VRTN: variants seen among roughly 807,000 people sequenced by gnomAD.
VRTN encodes vertnin.
Under a neutral mutation model 18.2 loss-of-function variants are expected in VRTN, and 5 were observed. The ratio of observed to expected loss-of-function variants is 0.27; its 90% CI spans 0.14 to 0.58. The LOEUF (loss-of-function observed/expected upper bound fraction) is 0.58, where lower values mean the gene tolerates loss of function less well. Among genes scored for constraint, VRTN ranks in the 20% least tolerant of loss-of-function variants. The pLI, the probability that VRTN is intolerant of heterozygous loss-of-function variation, is 0.91. For synonymous variants in VRTN, 381 were observed against 393.7 expected (o/e 0.97, Z 0.38); for missense variants, 741 against 939.4 (o/e 0.79, Z 2.76).
rs765480679 is a variant in VRTN at position 74,357,761 on chromosome 14, G to C, written c.978G>C (p.Arg326=). Residue 326 remains arginine, a synonymous_variant, in exon 2 of 2, where the codon CGG becomes CGC. Coordinates refer to ENST00000256362, the MANE Select transcript of VRTN (RefSeq NM_018228.3). The surrounding 1 kb of genome is among the most constrained non-coding windows in gnomAD (Gnocchi z 7.8). The stretch of plus-strand genomic sequence containing the variant: ...ACTTCCTGCAGGACAGCTTCCACCG[G>C]GGGGGCGTCGTGCCACTTCAGCAGT... ...AKHFLQDSFH[R]GGVVPLQQFL... is the part of the protein sequence containing the mutation. 2.3e-5 allele frequency: 37 copies of C among 1,613,138 alleles called. No individual in the cohort carries two copies. Among genetic ancestry groups the C allele is most frequent in the African/African-American group, 5.3e-5 (4 of 75,060 alleles).
intron 1 of VRTN, among the ~76,000 whole-genome samples, chr14:74,308,342 C>T (rs1011957267): frequency 5.3e-5 from 8 of 152,228 alleles, no homozygotes; most frequent in South Asian, 4.1e-4. Context: ...ATAGGTTCCT[C>T]TTCTACCCCT....
chr14:74,321,443 G>A (rs2140196907), intron 1 of VRTN, among the ~76,000 whole-genome samples: 1 of 152,136 alleles, frequency 6.6e-6, no homozygotes, highest in African/African-American at 2.4e-5. Context: ...AGTAAGTGGG[G>A]GAACTTGGAA....
upstream of VRTN, among the ~76,000 whole-genome samples, chr14:74,344,246 C>CAAAGAAAAAAAAAAAAAA (rs2085627164): frequency 3.1e-5 from 1 of 32,512 alleles, no homozygotes; most frequent in Admixed American, 5.4e-4. Flanking sequence ...CTGCTTTCTA[C>CAAAGAAAAAAAAAAAAAA]AAAAAAAAAA....
chr14:74,322,193 G>A (rs1268763475), intron 1 of VRTN, among the ~76,000 whole-genome samples: 3 of 150,732 alleles, frequency 2.0e-5, no homozygotes, highest in Non-Finnish European at 4.4e-5. Flanking sequence ...TGTTGCCCAT[G>A]CTGGAGTATA....
At chr14:74,313,234 C>T (rs986103886) in intron 1 of VRTN, among the ~76,000 whole-genome samples, 3 of 152,124 alleles carry the variant, frequency 2.0e-5, no homozygotes, top group Admixed American at 1.3e-4. Flanking sequence ...CCCAGCCCAG[C>T]GCCTGGCACA....
chr14:74,324,510 G>A (rs1051208390), intron 1 of VRTN, among the ~76,000 whole-genome samples: 1 of 151,972 alleles, frequency 6.6e-6, no homozygotes, highest in Non-Finnish European at 1.5e-5. Flanking sequence ...TGGCCAGTCT[G>A]TCTGGCAGCT....
chr14:74,310,891 A>G lies in VRTN; in HGVS notation c.-164+7715A>G, dbSNP rs146749057. The stretch of plus-strand genomic sequence containing the variant: ...TTTGGGGGGGTAAAGACAGGGCCTC[A>G]CTATGTTGCCTAGGCTGTCGAACTC... On this transcript the variant is annotated intron_variant, in intron 1 of 2. Transcript: ENST00000557177. 3.6e-3 allele frequency among the ~76,000 whole-genome samples: 551 copies of G among 151,880 alleles called. 3 individuals are homozygous for G. The highest frequency in any genetic ancestry group is 0.013 in the African/African-American group (532 of 41,420).
At chr14:74,343,222 G>A (rs1231073071) in intron 2 of VRTN, among the ~76,000 whole-genome samples, 1 of 152,120 alleles carries the variant, frequency 6.6e-6, no homozygotes, top group Admixed American at 6.6e-5. Context: ...TACCTTCCAG[G>A]TTCAAGCGAT....
intron 1 of VRTN, among the ~76,000 whole-genome samples, chr14:74,323,458 C>T (rs570584168): frequency 4.6e-5 from 7 of 152,002 alleles, no homozygotes; most frequent in African/African-American, 1.4e-4. Context: ...GTGGTGGGCG[C>T]CTGTAATCCC....
intron 1 of VRTN, among the ~76,000 whole-genome samples, chr14:74,349,336 C>T (rs2085667987): frequency 5.7e-3 from 1 of 174 alleles, no homozygotes; most frequent in Non-Finnish European, 0.013. Flanking sequence ...TAGGCCCTGG[C>T]AGGCGCAGCC....
intron 1 of VRTN, among the ~76,000 whole-genome samples, chr14:74,350,904 C>T (rs1486027870): frequency 6.6e-6 from 1 of 152,214 alleles, no homozygotes; most frequent in Non-Finnish European, 1.5e-5. Flanking sequence ...ATGCTCTCCT[C>T]AGGAAATCGG....
upstream of VRTN, among the ~76,000 whole-genome samples, chr14:74,346,958 T>G (rs986055834): frequency 4.6e-5 from 7 of 152,176 alleles, no homozygotes; most frequent in African/African-American, 1.7e-4. Flanking sequence ...GAGAACATAG[T>G]GTGGAAAGAA....
chr14:74,344,898 G>C (rs753052991), upstream of VRTN, among the ~76,000 whole-genome samples: 166 of 151,954 alleles, frequency 1.1e-3, no homozygotes, highest in Non-Finnish European at 1.5e-3. Context: ...AAGGAAAAAA[G>C]CTCTGTCTCT....
At chr14:74,305,029 G>A (rs1353712001) in intron 1 of VRTN, among the ~76,000 whole-genome samples, 1 of 152,014 alleles carries the variant, frequency 6.6e-6, no homozygotes, top group Non-Finnish European at 1.5e-5. Context: ...GTCTATTACT[G>A]TAAACTTTTA....
intron 1 of VRTN, among the ~76,000 whole-genome samples, chr14:74,330,249 G>T (rs541397488): frequency 2.6e-5 from 4 of 152,108 alleles, no homozygotes; most frequent in African/African-American, 9.6e-5. Flanking sequence ...CTAAAGAAAT[G>T]GAAGGAAGGA....
Position 74,357,320 on chromosome 14 carries a change from C to G in VRTN, c.537C>G (p.Leu179=). 2 of 1,613,948 alleles carry G rather than the reference C, an allele frequency of 1.2e-6. No homozygotes were observed. Among genetic ancestry groups the G allele is most frequent in the Non-Finnish European group, 1.7e-6 (2 of 1,179,860 alleles). The change falls in exon 2 of 2, where the codon CTC becomes CTG. Residue 179 remains leucine (L), a synonymous_variant. Coordinates refer to ENST00000256362, the MANE Select transcript of VRTN (RefSeq NM_018228.3). The surrounding 1 kb of genome is among the most constrained non-coding windows in gnomAD (Gnocchi z 7.8). ...CCAACGTGTGGCACTTGTATGCTCT[C>G]GCCTCTGTCCTCCAGCGGAACATCT... The part of the protein sequence containing the change: ...SFSNVWHLYA[L]ASVLQRNIYS...
At chr14:74,309,334 C>T (rs562728450) in intron 1 of VRTN, among the ~76,000 whole-genome samples, 3 of 152,264 alleles carry the variant, frequency 2.0e-5, no homozygotes, top group East Asian at 3.9e-4. Flanking sequence ...CAGAAGCACT[C>T]GTAAGAGCAC....
intron 1 of VRTN, among the ~76,000 whole-genome samples, chr14:74,331,423 G>A (rs578088397): frequency 6.7e-6 from 1 of 150,214 alleles, no homozygotes; most frequent in African/African-American, 2.4e-5. Context: ...CAGCTACTCA[G>A]GAGGTTGAGG....
intron 1 of VRTN, among the ~76,000 whole-genome samples, chr14:74,353,204 G>C (rs185942836): frequency 6.6e-6 from 1 of 152,118 alleles, no homozygotes; most frequent in African/African-American, 2.4e-5. Flanking sequence ...CAGGAGAATC[G>C]CTTGAACCCT....
Sources: gnomAD v4.1 joint callset for allele counts (sites outside exome capture counted in the v4.1 genomes callset) on GRCh38, gnomAD v4.1.1 for gene constraint, Gnocchi (gnomAD v3.1) non-coding constraint, MANE v1.5 for transcripts, NCBI Gene and HGNC (gene_info 2026-07-23, HGNC 2026-07-21) for gene names.